The following ZBED3 variants were observed in gnomAD, a reference collection of about 807,000 sequenced individuals.
ZBED3 encodes zinc finger BED domain-containing protein 3.
For missense variants in ZBED3, 388 were observed against 362.9 expected, an observed-to-expected ratio of 1.07 and a Z score of -0.56; for synonymous variants, 175 against 180.0, an observed-to-expected ratio of 0.97 and a Z score of 0.22.
chr5:77,081,251 G>A (rs1743123225), intron 1 of ZBED3, among the ~76,000 whole-genome samples: 1 of 151,994 alleles, frequency 6.6e-6, no homozygotes, highest in Non-Finnish European at 1.5e-5. Flanking sequence ...AGTTACAAGG[G>A]AGGTAGAGAA....
chr5:77,083,716 T>C (rs1407660878), intron 1 of ZBED3, among the ~76,000 whole-genome samples: 2 of 152,194 alleles, frequency 1.3e-5, no homozygotes, highest in Non-Finnish European at 2.9e-5. Flanking sequence ...ACAGAGTAAG[T>C]AGTCTAAGTT....
At position 77,077,691 on chromosome 5, in the gene ZBED3, G is replaced by A; in HGVS notation, c.188C>T (p.Ser63Leu). 7.4e-7 allele frequency: 1 copy of A among 1,354,258 alleles called. No homozygotes were observed. Among genetic ancestry groups the A allele is most frequent in the Non-Finnish European group, 9.5e-7 (1 of 1,057,724 alleles). The allele number at this position is 1,354,258 out of a possible 1,614,324, so 83.9% of individuals were successfully genotyped here. A position where few individuals can be genotyped will look rare whatever the true frequency, so the allele number is the denominator to read the frequency against. The change falls in exon 3 of 3, where the codon TCG (serine) becomes TTG (leucine). Residue 63 changes from serine (S) to leucine (L), a missense_variant. By Grantham distance (145) the Ser-to-Leu change is moderately radical. Transcript: ENST00000255198. ...CAGACGGCAGGTGGCCCAGTGGCCC[G>A]ACGGATGCCCGGGGCGCCCCGGCGC... ...HLAPGRPGHPSGHWATCRLCG... is the reference protein window; with the variant it reads ...HLAPGRPGHPLGHWATCRLCG...
In ZBED3 at chr5:77,075,934, A is replaced by ATTTT. The variant is rs1233808881; in HGVS notation, c.*1239_*1240insAAAA. The ATTTT allele has an allele frequency of 1.1e-3, 62 of 55,306 alleles. 5 individuals are homozygous for ATTTT. The highest frequency in any genetic ancestry group is 6.6e-3 in the Middle Eastern group (1 of 152). 3.4% of individuals were successfully genotyped at this position (55,306 alleles called of 1,614,324 possible). A position where few individuals can be genotyped will look rare whatever the true frequency, so the allele number is the denominator to read the frequency against. ...TGACATGCACCCTAGAACTTAAAGTATTATATATACATATATATATATATA... is the reference window on the plus strand; with the variant it reads ...TGACATGCACCCTAGAACTTAAAGTATTTTTTATATATACATATATATATATATA... On this transcript the variant is annotated 3_prime_UTR_variant, in exon 3 of 3. Transcript: ENST00000255198.
chr5:77,083,024 C>G (rs2150742513), intron 1 of ZBED3, among the ~76,000 whole-genome samples: 1 of 152,258 alleles, frequency 6.6e-6, no homozygotes, highest in South Asian at 2.1e-4. Context: ...GTAGTCCCAG[C>G]TACTCGGGAG....
chr5:77,082,277 A>C (rs892652609), intron 1 of ZBED3, among the ~76,000 whole-genome samples: 1 of 152,076 alleles, frequency 6.6e-6, no homozygotes, highest in Non-Finnish European at 1.5e-5. Flanking sequence ...TGAAAAAAAA[A>C]AAAAAAAGAT....
rs1422410152 is a variant in ZBED3, at chr5:77,077,410, C to T, written c.469G>A (p.Val157Met). 1 of 1,242,226 alleles carries T rather than the reference C, an allele frequency of 8.1e-7. No homozygotes were observed. The highest frequency in any genetic ancestry group is 1.0e-6 in the Non-Finnish European group (1 of 991,274). 77.0% of individuals were successfully genotyped at this position (1,242,226 alleles called of 1,614,324 possible). The change falls in exon 3 of 3, where the codon GTG becomes ATG. Residue 157 changes from valine to methionine, a missense_variant. By Grantham distance (21) the Val-to-Met change is conservative. Coordinates refer to ENST00000255198, the MANE Select transcript of ZBED3 (RefSeq NM_032367.4). Reference protein sequence around the residue: ...ERELERRELAVEQGERALERR... With the variant: ...ERELERRELAMEQGERALERR... ...TCCAGGGCGCGCTCGCCCTGCTCCACGGCCAGCTCGCGCCGCTCCAGCTCC... is the reference window on the plus strand; with the variant it reads ...TCCAGGGCGCGCTCGCCCTGCTCCATGGCCAGCTCGCGCCGCTCCAGCTCC...
chr5:77,078,133 T>G (rs6861237), intron 2 of ZBED3, among the ~76,000 whole-genome samples: 34,874 of 152,232 alleles, frequency 0.23, 4,544 homozygotes, highest in Non-Finnish European at 0.29. Context: ...TGAAATCAAG[T>G]GGGTCCCCAG....
chr5:77,086,360 T>C (rs1743239161), intron 1 of ZBED3, among the ~76,000 whole-genome samples: 1 of 152,132 alleles, frequency 6.6e-6, no homozygotes, highest in African/African-American at 2.4e-5. Flanking sequence ...CCTCAAGCTA[T>C]TCTTGCCTCC....
rs1743058933 is a variant in ZBED3, at chr5:77,077,899, G to A, written c.-17-4C>T. ...CTCATTCTGCGGCGCCCGCACGCTGGGGAGCAGGGGAAGAATAATAATGAG... is the reference window on the plus strand; with the variant it reads ...CTCATTCTGCGGCGCCCGCACGCTGAGGAGCAGGGGAAGAATAATAATGAG... On this transcript the variant is annotated splice_polypyrimidine_tract_variant and splice_region_variant and intron_variant, in intron 2 of 2. Coordinates refer to ENST00000255198, the MANE Select transcript of ZBED3 (RefSeq NM_032367.4). The A allele has an allele frequency of 1.6e-6, 2 of 1,249,452 alleles. No homozygotes were observed. The allele number at this position is 1,249,452 out of a possible 1,614,324, so 77.4% of individuals were successfully genotyped here.
In ZBED3 at chr5:77,075,988, T is replaced by TAC. The variant is rs1742982834; in HGVS notation, c.*1185_*1186insGT. 2.4e-5 allele frequency: 1 copy of TAC among 40,992 alleles called. No individual in the cohort carries two copies. Among genetic ancestry groups the TAC allele is most frequent in the Admixed American group, 2.8e-4 (1 of 3,588 alleles). 2.5% of individuals were successfully genotyped at this position (40,992 alleles called of 1,614,324 possible). A position where few individuals can be genotyped will look rare whatever the true frequency, so the allele number is the denominator to read the frequency against. ...ATATGTATATGTATATATGTATATATATATGTATATATGTATATATATATG... is the reference window on the plus strand; with the variant it reads ...ATATGTATATGTATATATGTATATATACATATGTATATATGTATATATATATG... On this transcript the variant is annotated 3_prime_UTR_variant, in exon 3 of 3. Transcript: ENST00000255198.
chr5:77,081,194 G>A (rs1408880411), intron 1 of ZBED3, among the ~76,000 whole-genome samples: 2 of 152,064 alleles, frequency 1.3e-5, no homozygotes, highest in African/African-American at 2.4e-5. Flanking sequence ...ATAAGGTATC[G>A]TTTTACATCC....
Position 77,073,554 on chromosome 5 carries a change from A to G in ZBED3, c.*3620T>C, listed in dbSNP as rs554800753. 2.6e-5 allele frequency: 4 copies of G among 152,306 alleles called. No homozygotes were observed. The highest frequency in any genetic ancestry group is 6.5e-5 in the Admixed American group (1 of 15,302). 9.4% of individuals were successfully genotyped at this position (152,306 alleles called of 1,614,324 possible). On this transcript the variant is annotated 3_prime_UTR_variant, in exon 3 of 3. Coordinates refer to ENST00000255198, the MANE Select transcript of ZBED3 (RefSeq NM_032367.4). ...CTGTTCTTCTTCCTTGACTGAGGCA[A>G]TACATTTTGTGTTACTTGTATAATA...
rs1554048053 is a variant in ZBED3 at position 77,076,025 on chromosome 5, A to ATG, written c.*1148_*1149insCA. 1 of 72,550 alleles carries ATG rather than the reference A, an allele frequency of 1.4e-5. No individual in the cohort carries two copies. Among genetic ancestry groups the ATG allele is most frequent in the Non-Finnish European group, 2.8e-5 (1 of 35,150 alleles). 4.5% of individuals were successfully genotyped at this position (72,550 alleles called of 1,614,324 possible). On this transcript the variant is annotated 3_prime_UTR_variant, in exon 3 of 3. Coordinates refer to ENST00000255198, the MANE Select transcript of ZBED3 (RefSeq NM_032367.4). ...TGTATATATATATGTATATATGTAT[A>ATG]TATATATGTATATATGTATATATAT...
rs1338773483 is a variant in ZBED3 at position 77,074,873 on chromosome 5, T to C, written c.*2301A>G. The C allele has an allele frequency of 6.6e-6, 1 of 152,194 alleles. No individual in the cohort carries two copies. The highest frequency in any genetic ancestry group is 1.5e-5 in the Non-Finnish European group (1 of 68,046). 9.4% of individuals were successfully genotyped at this position (152,194 alleles called of 1,614,324 possible). The stretch of plus-strand genomic sequence containing the variant: ...TAACCCCTTTCTAGCTCAGTTTCTT[T>C]AGCTGTAAAGCCAGCGCAATGTTAC... On this transcript the variant is annotated 3_prime_UTR_variant, in exon 3 of 3. Coordinates refer to ENST00000255198, the MANE Select transcript of ZBED3 (RefSeq NM_032367.4).
rs1742926061 is a variant in ZBED3 at position 77,073,836 on chromosome 5, T to C, written c.*3338A>G. Reference sequence around the variant, plus strand: ...AATGCAAGGCACTGTAGGAGTAGGGTGAGTATACTCCCCACAAGGGCTCAG... The same window carrying C: ...AATGCAAGGCACTGTAGGAGTAGGGCGAGTATACTCCCCACAAGGGCTCAG... On this transcript the variant is annotated 3_prime_UTR_variant, in exon 3 of 3. Transcript: ENST00000255198. 1 of 152,120 alleles carries C rather than the reference T, an allele frequency of 6.6e-6. No homozygotes were observed. Among genetic ancestry groups the C allele is most frequent in the Non-Finnish European group, 1.5e-5 (1 of 68,036 alleles). 9.4% of individuals were successfully genotyped at this position (152,120 alleles called of 1,614,324 possible). A position where few individuals can be genotyped will look rare whatever the true frequency, so the allele number is the denominator to read the frequency against.
chr5:77,084,323 A>C (rs1211631995), intron 1 of ZBED3, among the ~76,000 whole-genome samples: 1 of 152,186 alleles, frequency 6.6e-6, no homozygotes, highest in Non-Finnish European at 1.5e-5. Flanking sequence ...GAGATAATTG[A>C]ATCACGAGCG....
intron 1 of ZBED3, chr5:77,078,931 A>G (rs1008958554): frequency 6.6e-6 from 1 of 152,248 alleles, no homozygotes; most frequent in Non-Finnish European, 1.5e-5. Flanking sequence ...ACATATTTGC[A>G]AGATACAAAG....
At position 77,075,161 on chromosome 5, in the gene ZBED3, A is replaced by G. The variant is rs574008989; in HGVS notation, c.*2013T>C. The G allele has an allele frequency of 3.9e-5, 6 of 152,106 alleles. No homozygotes were observed. The highest frequency in any genetic ancestry group is 1.4e-4 in the African/African-American group (6 of 41,464). 9.4% of individuals were successfully genotyped at this position (152,106 alleles called of 1,614,324 possible). ...AGTCCCTGGCCCAGAGGAGATTACA[A>G]CTCTGCAGGGATATGAGCCACGAGT... is the stretch of plus-strand genomic sequence containing the variant. On this transcript the variant is annotated 3_prime_UTR_variant, in exon 3 of 3. Transcript: ENST00000255198.
chr5:77,077,711 C>T lies in ZBED3; in HGVS notation c.168G>A (p.Pro56=), dbSNP rs1387587968. Reference sequence around the variant, plus strand: ...GGCCCGACGGATGCCCGGGGCGCCCCGGCGCCAGGTGGAAGTAGCCCCAGG... The same window carrying T: ...GGCCCGACGGATGCCCGGGGCGCCCTGGCGCCAGGTGGAAGTAGCCCCAGG... ...SEAWGYFHLA[P]GRPGHPSGHW... Residue 56 remains proline (P), a synonymous_variant, in exon 3 of 3, where the codon CCG becomes CCA. Transcript: ENST00000255198. The T allele has an allele frequency of 7.4e-7, 1 of 1,349,608 alleles. No homozygotes were observed. The highest frequency in any genetic ancestry group is 9.5e-7 in the Non-Finnish European group (1 of 1,056,000). The allele number at this position is 1,349,608 out of a possible 1,614,324, so 83.6% of individuals were successfully genotyped here. A position where few individuals can be genotyped will look rare whatever the true frequency, so the allele number is the denominator to read the frequency against.
Sources: allele counts gnomAD v4.1 joint callset (sites outside exome capture counted in the v4.1 genomes callset), GRCh38; gene constraint gnomAD v4.1.1; transcripts MANE v1.5; gene names NCBI Gene and HGNC (gene_info 2026-07-23, HGNC 2026-07-21).